Variants in JARID2 observed in about 807,000 individuals in gnomAD.
JARID2 encodes the protein jumonji and AT-rich interaction domain containing 2, also known as protein Jumonji.
A neutral mutation model predicts 125.6 loss-of-function variants in JARID2; 21 were observed. That is an observed-to-expected ratio of 0.17 (90% CI 0.12 to 0.24). The LOEUF (loss-of-function observed/expected upper bound fraction) is 0.24. Among genes scored for constraint, JARID2 ranks in the 10% least tolerant of loss-of-function variants. The pLI, the probability that JARID2 is intolerant of heterozygous loss-of-function variation, is 1.00. For missense variants in JARID2, 1,303 were observed against 1,639.6 expected (o/e 0.79, Z 3.55); for synonymous variants, 736 against 661.6 (o/e 1.11, Z -1.73).
At chr6:15,258,264 C>T (rs563601939) in intron 1 of JARID2, among the ~76,000 whole-genome samples, 1 of 152,230 alleles carries the variant, frequency 6.6e-6, no homozygotes, top group East Asian at 1.9e-4. Context: ...GGGGCATTTA[C>T]AGTTTAGTTG....
In JARID2 at chr6:15,288,286, C is replaced by CCT; in HGVS notation, c.45+41702_45+41703insCT. 1.4e-5 allele frequency among the ~76,000 whole-genome samples: 2 copies of CCT among 147,798 alleles called. 1 individual carries two copies. Among genetic ancestry groups the CCT allele is most frequent in the Non-Finnish European group, 3.0e-5 (2 of 67,188 alleles). On this transcript the variant is annotated intron_variant, in intron 1 of 17. Coordinates refer to ENST00000341776, the MANE Select transcript of JARID2 (RefSeq NM_004973.4). ...AGGTGGGAGGGGTGGGAGCAGGCAC[C>CCT]TCACATGGTCAGGAGGTGGGGGTTG...
chr6:15,516,550 A>T (rs1006043878), intron 16 of JARID2, among the ~76,000 whole-genome samples: 1 of 152,194 alleles, frequency 6.6e-6, no homozygotes, highest in African/African-American at 2.4e-5. Flanking sequence ...GGGTGAGGTC[A>T]TCGGCGTCAC....
At chr6:15,481,564 A>T (rs1769617694) in intron 5 of JARID2, among the ~76,000 whole-genome samples, 1 of 152,178 alleles carries the variant, frequency 6.6e-6, no homozygotes, top group Non-Finnish European at 1.5e-5. Flanking sequence ...ACGACACTTA[A>T]AATTAATGAG....
At chr6:15,344,389 C>G (rs879606312) in intron 1 of JARID2, among the ~76,000 whole-genome samples, 2 of 151,608 alleles carry the variant, frequency 1.3e-5, no homozygotes, top group African/African-American at 2.4e-5. Flanking sequence ...TTGTCAGACT[C>G]GGCTGATGTA....
At chr6:15,292,103 G>C (rs1019901546) in intron 1 of JARID2, among the ~76,000 whole-genome samples, 9 of 151,842 alleles carry the variant, frequency 5.9e-5, no homozygotes, top group Non-Finnish European at 1.2e-4. Flanking sequence ...TGCAAGCTTC[G>C]CCTCCCGGGT....
chr6:15,252,308 CT>C (rs555990663), intron 1 of JARID2, among the ~76,000 whole-genome samples: 7 of 149,956 alleles, frequency 4.7e-5, no homozygotes, highest in African/African-American at 7.4e-5. Flanking sequence ...TAGGGAATAC[CT>C]TTTTTTTTTA....
At chr6:15,462,059 A>G (rs1231336408) in intron 4 of JARID2, among the ~76,000 whole-genome samples, 1 of 152,216 alleles carries the variant, frequency 6.6e-6, no homozygotes, top group Admixed American at 6.5e-5. Context: ...CAGAAAGGAC[A>G]TTAAGTGAAC....
chr6:15,266,887 A>T (rs1015692506), intron 1 of JARID2, among the ~76,000 whole-genome samples: 2 of 152,128 alleles, frequency 1.3e-5, no homozygotes, highest in African/African-American at 4.8e-5. Flanking sequence ...TCAGCCACTT[A>T]TTAGCTGCAT....
At chr6:15,289,822 G>C (rs1761139902) in intron 1 of JARID2, among the ~76,000 whole-genome samples, 1 of 152,122 alleles carries the variant, frequency 6.6e-6, no homozygotes, top group African/African-American at 2.4e-5. Flanking sequence ...CTCCAGCCTG[G>C]GTGAGAGAGT....
chr6:15,445,766 C>T (rs746686300), intron 3 of JARID2, among the ~76,000 whole-genome samples: 2 of 152,102 alleles, frequency 1.3e-5, no homozygotes, highest in African/African-American at 2.4e-5. Flanking sequence ...GACTGTCAGC[C>T]GGAGGCAGAC....
chr6:15,410,099 C>T, intron 2 of JARID2, 125 bp from the exon 3 acceptor site: 1 of 852,204 alleles, frequency 1.2e-6, no homozygotes, highest in African/African-American at 1.7e-5. Flanking sequence ...GGGATGTGTG[C>T]TTTTAAATTC....
chr6:15,505,260 G>T (rs1229400977), intron 9 of JARID2: 1 of 152,114 alleles, frequency 6.6e-6, no homozygotes. Flanking sequence ...AACCCGGACT[G>T]CTGGTTCAGG....
chr6:15,324,441 A>G (rs1219303253), intron 1 of JARID2: 1 of 152,098 alleles, frequency 6.6e-6, no homozygotes, highest in Non-Finnish European at 1.5e-5. Flanking sequence ...GTAATGTTCC[A>G]GTTTTAATAT....
chr6:15,512,202 C>T lies in JARID2; in HGVS notation c.2953-6C>T, dbSNP rs1771313617. 1 of 1,612,672 alleles carries T rather than the reference C, an allele frequency of 6.2e-7. No homozygotes were observed. The highest frequency in any genetic ancestry group is 1.1e-5 in the South Asian group (1 of 90,940). ...GGGGTGCCTCAGCCTGGCCCTGTCTCCCCAGATCTCCCCGGAGGTGCTGTG... is the reference window on the plus strand; with the variant it reads ...GGGGTGCCTCAGCCTGGCCCTGTCTTCCCAGATCTCCCCGGAGGTGCTGTG... On this transcript the variant is annotated splice_region_variant and splice_polypyrimidine_tract_variant and intron_variant, in intron 13 of 17. Transcript: ENST00000341776.
intron 3 of JARID2, among the ~76,000 whole-genome samples, chr6:15,413,002 G>GGTTTTTTTTTTTTTTT (rs1765951845): frequency 2.1e-5 from 1 of 46,532 alleles, no homozygotes; most frequent in African/African-American, 9.3e-5. Flanking sequence ...AAGAGCTTGT[G>GGTTTTTTTTTTTTTTT]TTTTTGTTTT....
At position 15,374,248 on chromosome 6, in the gene JARID2, G is replaced by GAATGAA. The variant is rs1764268843; in HGVS notation, c.181_181+1insAAAATG (p.Asn60_Gly61insGluAsn). On this transcript the variant is annotated inframe_insertion, in exon 2 of 18. Transcript: ENST00000341776. ...GCATTGCTGGGAGCCTGAAAACTGT[G>GAATGAA]AATGGTGAGTTGACTCTTGGAATAT... The GAATGAA allele has an allele frequency of 6.2e-7, 1 of 1,613,664 alleles. No homozygotes were observed. The highest frequency in any genetic ancestry group is 8.5e-7 in the Non-Finnish European group (1 of 1,179,832).
intron 2 of JARID2, among the ~76,000 whole-genome samples, chr6:15,395,735 GCTCACTGCAGTGTTTGT>G (rs949178280): frequency 1.3e-5 from 2 of 151,408 alleles, no homozygotes; most frequent in Non-Finnish European, 2.9e-5. Context: ...CGAGATCTCA[GCTCACTGCAGTGTTTGT>G]CTCTTGGGTG....
chr6:15,424,032 T>C (rs1228952599), intron 3 of JARID2, among the ~76,000 whole-genome samples: 1 of 152,156 alleles, frequency 6.6e-6, no homozygotes, highest in Non-Finnish European at 1.5e-5. Flanking sequence ...GGCCAGTACT[T>C]ACTACTTTCA....
chr6:15,332,756 T>G (rs1361619581), intron 1 of JARID2, among the ~76,000 whole-genome samples: 1 of 152,108 alleles, frequency 6.6e-6, no homozygotes, highest in African/African-American at 2.4e-5. Flanking sequence ...AATTTTTTTG[T>G]GTGTGTGTTT....
Sources: allele counts gnomAD v4.1 joint callset (sites outside exome capture counted in the v4.1 genomes callset), GRCh38; gene constraint gnomAD v4.1.1; transcripts MANE v1.5; gene names NCBI Gene and HGNC (gene_info 2026-07-23, HGNC 2026-07-21).